MALRD1: variants seen among roughly 807,000 people sequenced by gnomAD.
MALRD1 encodes MAM and LDL-receptor class A domain-containing protein 1.
In MALRD1, 247 loss-of-function variants were observed where a neutral mutation model predicts 242.1. The observed-to-expected ratio is 1.02, with a 90% CI of 0.92 to 1.13. The LOEUF (loss-of-function observed/expected upper bound fraction) is 1.13, where lower values mean the gene tolerates loss of function less well. MALRD1 is among the 50% of genes most tolerant of loss of function. MALRD1 has a pLI of 0.00. For synonymous variants in MALRD1, 995 were observed against 866.6 expected (o/e 1.15, Z -2.60); for missense variants, 2,989 against 2,533.1 (o/e 1.18, Z -3.86).
chr10:19,443,849 C>T (rs970528124), intron 28 of MALRD1, among the ~76,000 whole-genome samples: 2 of 152,128 alleles, frequency 1.3e-5, no homozygotes, highest in African/African-American at 4.8e-5. Flanking sequence ...ACTTGGTGCA[C>T]AGCTGAGTTC....
chr10:19,595,370 C>A lies in MALRD1; in HGVS notation c.5857C>A (p.Pro1953Thr). 1 of 1,550,660 alleles carries A rather than the reference C, an allele frequency of 6.4e-7. No homozygotes were observed. Among genetic ancestry groups the A allele is most frequent in the African/African-American group, 1.4e-5 (1 of 73,148 alleles). The stretch of plus-strand genomic sequence containing the variant: ...TCCACTCTGTAGTAACATGGAGTTC[C>A]CGTGCTCTACAGACGAGTGTATACC... ...TPPLCSNMEF[P>T]CSTDECIPSL... Residue 1953 changes from proline (P) to threonine (T), a missense_variant, in exon 34 of 40, where the codon CCG (proline) becomes ACG (threonine). By Grantham distance (38) the Pro-to-Thr change is conservative. Transcript: ENST00000454679.
chr10:19,387,472 T>C, intron 26 of MALRD1, 56 bp from the exon 27 acceptor site: 1 of 1,501,844 alleles, frequency 6.7e-7, no homozygotes, highest in Non-Finnish European at 8.9e-7. Context: ...CTTTTTGACC[T>C]CACTGAATGT....
chr10:19,295,675 A>G (rs1373705070), intron 21 of MALRD1, among the ~76,000 whole-genome samples: 2 of 152,154 alleles, frequency 1.3e-5, no homozygotes, highest in Non-Finnish European at 2.9e-5. Context: ...TTGCAAAGGA[A>G]GGATCTTTCA....
intron 18 of MALRD1, among the ~76,000 whole-genome samples, chr10:19,226,282 T>G (rs1837796997): frequency 6.6e-6 from 1 of 152,132 alleles, no homozygotes; most frequent in Non-Finnish European, 1.5e-5. Flanking sequence ...TGTAGCAAAT[T>G]TTTTAAATTA....
chr10:19,215,957 T>G (rs1837294776), intron 18 of MALRD1, among the ~76,000 whole-genome samples: 1 of 151,830 alleles, frequency 6.6e-6, no homozygotes, highest in Non-Finnish European at 1.5e-5. Flanking sequence ...CTCTCATGTA[T>G]CCACAGGTAG....
At chr10:19,584,928 A>C (rs1362760169) in intron 33 of MALRD1, among the ~76,000 whole-genome samples, 4 of 151,952 alleles carry the variant, frequency 2.6e-5, no homozygotes, top group Admixed American at 6.6e-5. Flanking sequence ...GTGCATATAT[A>C]TTTAGGATAG....
intron 26 of MALRD1, among the ~76,000 whole-genome samples, chr10:19,363,161 T>A (rs1262845674): frequency 1.3e-5 from 2 of 151,840 alleles, no homozygotes; most frequent in East Asian, 3.9e-4. Flanking sequence ...AATCTAGGAG[T>A]TGTCAGAATT....
chr10:19,527,330 G>A (rs1378794449), intron 31 of MALRD1, among the ~76,000 whole-genome samples: 1 of 152,120 alleles, frequency 6.6e-6, no homozygotes, highest in East Asian at 1.9e-4. Flanking sequence ...TTAGATATTG[G>A]AGTAAAAGTA....
intron 18 of MALRD1, among the ~76,000 whole-genome samples, chr10:19,242,481 T>G (rs1020206368): frequency 6.6e-6 from 1 of 152,166 alleles, no homozygotes; most frequent in African/African-American, 2.4e-5. Flanking sequence ...TGGTTGATTT[T>G]CTCTTCAGAT....
At chr10:19,195,036 G>A (rs1836174450) in intron 14 of MALRD1, among the ~76,000 whole-genome samples, 1 of 150,558 alleles carries the variant, frequency 6.6e-6, no homozygotes, top group Non-Finnish European at 1.5e-5. Context: ...GTCCTTATCT[G>A]TCCTGCCCAG....
At chr10:19,520,315 A>T (rs1175399752) in intron 31 of MALRD1, among the ~76,000 whole-genome samples, 1 of 152,162 alleles carries the variant, frequency 6.6e-6, no homozygotes, top group East Asian at 1.9e-4. Flanking sequence ...TTTCTAAAAA[A>T]AAAAAAGCTG....
At chr10:19,306,267 A>G (rs1176819113) in intron 21 of MALRD1, among the ~76,000 whole-genome samples, 2 of 137,082 alleles carry the variant, frequency 1.5e-5, no homozygotes, top group Non-Finnish European at 3.1e-5. Context: ...TATAGTATAT[A>G]TACTATATAT....
chr10:19,427,224 T>C (rs1260193328), intron 28 of MALRD1, among the ~76,000 whole-genome samples: 1 of 152,222 alleles, frequency 6.6e-6, no homozygotes, highest in Non-Finnish European at 1.5e-5. Flanking sequence ...GCTGAGTAAT[T>C]AATCCACTAT....
chr10:19,677,983 C>G (rs1819289), intron 36 of MALRD1, among the ~76,000 whole-genome samples: 94,703 of 151,918 alleles, frequency 0.62, 30,196 homozygotes, highest in African/African-American at 0.78. Flanking sequence ...GGTTGTAGAT[C>G]TGTGGTCTTA....
At chr10:19,048,021 G>T (rs1834381421), upstream of MALRD1, among the ~76,000 whole-genome samples, 1 of 152,156 alleles carries the variant, frequency 6.6e-6, no homozygotes, top group Admixed American at 6.6e-5. Flanking sequence ...ACGCTCATAA[G>T]ATTATGTAAT....
chr10:19,393,486 C>G (rs1385815352), intron 28 of MALRD1, among the ~76,000 whole-genome samples: 1 of 139,292 alleles, frequency 7.2e-6, no homozygotes, highest in Non-Finnish European at 1.5e-5. Flanking sequence ...CGCTCTGTCA[C>G]CCAGGCTGGA....
At chr10:19,318,656 T>C (rs1459849496) in intron 21 of MALRD1, among the ~76,000 whole-genome samples, 1 of 151,990 alleles carries the variant, frequency 6.6e-6, no homozygotes, top group Non-Finnish European at 1.5e-5. Flanking sequence ...CCAGATCTAT[T>C]AGCCTTGTTC....
intron 18 of MALRD1, among the ~76,000 whole-genome samples, chr10:19,229,717 T>C (rs1388761364): frequency 6.6e-6 from 1 of 152,182 alleles, no homozygotes; most frequent in Admixed American, 6.5e-5. Flanking sequence ...CAGGCACCTT[T>C]TGTCTGTGGT....
intron 24 of MALRD1, 93 bp from the exon 25 acceptor site, chr10:19,347,678 A>G (rs1298809690): frequency 2.9e-6 from 4 of 1,388,870 alleles, no homozygotes; most frequent in Non-Finnish European, 3.9e-6. Flanking sequence ...CAAATATTAC[A>G]TGATACAGCA....
Sources: gnomAD v4.1 joint callset for allele counts (sites outside exome capture counted in the v4.1 genomes callset) on GRCh38, gnomAD v4.1.1 for gene constraint, MANE v1.5 for transcripts, NCBI Gene and HGNC (gene_info 2026-07-23, HGNC 2026-07-21) for gene names.